Variants in PCNT observed in about 807,000 individuals in gnomAD.
The protein encoded by PCNT is kendrin.
Under a neutral mutation model 380.4 loss-of-function variants are expected in PCNT, and 319 were observed. The ratio of observed to expected loss-of-function variants is 0.84; its 90% CI spans 0.77 to 0.92. PCNT has a LOEUF of 0.92. PCNT is among the 40% of genes least tolerant of loss of function. The pLI is 0.00. For missense variants in PCNT, 4,400 were observed against 4,255.3 expected (o/e 1.03, Z -0.95); for synonymous variants, 1,845 against 1,735.2 (o/e 1.06, Z -1.57).
intron 1 of PCNT, chr21:46,325,267 T>C (rs2146213873): frequency 2.2e-6 from 2 of 926,170 alleles, no homozygotes; most frequent in Non-Finnish European, 2.6e-6. Flanking sequence ...AGAGCGGGGC[T>C]CCCGGGCACG....
chr21:46,430,088 A>G lies in PCNT; in HGVS notation c.7769A>G (p.Glu2590Gly). ...CAGAAGACGCTGAGTGAAGAGCAAG[A>G]GAAGGCAAACAGCGTGCAGAAGCTC... ...DLQKTLSEEQ[E>G]KANSVQKLLA... is the part of the protein sequence containing the mutation. Residue 2590 changes from glutamate (E) to glycine (G), a missense_variant, in exon 36 of 47, where the codon GAG becomes GGG. Coordinates refer to ENST00000359568, the MANE Select transcript of PCNT (RefSeq NM_006031.6). The G allele has an allele frequency of 6.2e-7, 1 of 1,614,254 alleles. No individual in the cohort carries two copies. The highest frequency in any genetic ancestry group is 1.1e-5 in the South Asian group (1 of 91,092).
At chr21:46,401,749 G>T in intron 26 of PCNT, 28 bp downstream of exon 26, 1 of 1,612,694 alleles carries the variant, frequency 6.2e-7, no homozygotes, top group South Asian at 1.1e-5. Flanking sequence ...CCATGGGACT[G>T]CCAGCCCTGG....
rs774419310 is a variant in PCNT, at chr21:46,431,610, G to A, written c.8146G>A (p.Asp2716Asn). The change falls in exon 38 of 47, where the codon GAC becomes AAC. Residue 2716 changes from aspartate (D) to asparagine (N), a missense_variant. By Grantham distance (23) the Asp-to-Asn change is conservative. Transcript: ENST00000359568. ...VALKHEQTAK[D>N]NLQKELRIEH... ...ACTGAAACACGAGCAGACGGCCAAG[G>A]ACAACCTGCAGAAGGAGCTGCGTAT... 3 of 1,614,070 alleles carry A rather than the reference G, an allele frequency of 1.9e-6. No homozygotes were observed. The highest frequency in any genetic ancestry group is 2.2e-5 in the South Asian group (2 of 91,090).
At chr21:46,374,558 A>C (rs2085271092) in intron 15 of PCNT, among the ~76,000 whole-genome samples, 1 of 152,140 alleles carries the variant, frequency 6.6e-6, no homozygotes, top group Admixed American at 6.6e-5. Flanking sequence ...CCGTGAAAAG[A>C]CATAACACAA....
chr21:46,440,547 A>G (rs1299729132), intron 42 of PCNT, among the ~76,000 whole-genome samples: 1 of 152,238 alleles, frequency 6.6e-6, no homozygotes, highest in Non-Finnish European at 1.5e-5. Context: ...CCACCCCGTG[A>G]CGTCCATCTC....
chr21:46,426,346 G>C (rs2087504976), intron 33 of PCNT, among the ~76,000 whole-genome samples: 1 of 151,946 alleles, frequency 6.6e-6, no homozygotes, highest in African/African-American at 2.4e-5. Flanking sequence ...ATTTTTTTTA[G>C]CACGGCCAAA....
At chr21:46,423,349 C>G (rs1031064389) in intron 32 of PCNT, among the ~76,000 whole-genome samples, 1 of 151,756 alleles carries the variant, frequency 6.6e-6, no homozygotes, top group African/African-American at 2.4e-5. Flanking sequence ...AGCCACCACA[C>G]CCAGCTAATT....
chr21:46,418,149 A>C, intron 30 of PCNT, 55 bp from the exon 31 acceptor site: 40 of 1,062,976 alleles, frequency 3.8e-5, no homozygotes, highest in Non-Finnish European at 5.3e-5. Context: ...TGGCAAAGTC[A>C]GCGCTATGAT....
chr21:46,354,101 C>G, intron 11 of PCNT, 33 bp downstream of exon 11: 1 of 1,578,288 alleles, frequency 6.3e-7, no homozygotes, highest in Non-Finnish European at 8.7e-7. Flanking sequence ...GTGGGGGAGT[C>G]CTGTGCTCTT....
In PCNT at chr21:46,388,681, C is replaced by A. The variant is rs2085923799; in HGVS notation, c.3465-61C>A. ...CTGGTGGGCGGCCCCTCAGCAGCATCCAGGGTGGGGGTTCTTATGCCGTGA... is the reference window on the plus strand; with the variant it reads ...CTGGTGGGCGGCCCCTCAGCAGCATACAGGGTGGGGGTTCTTATGCCGTGA... On this transcript the variant is annotated intron_variant, in intron 17 of 46. Coordinates refer to ENST00000359568, the MANE Select transcript of PCNT (RefSeq NM_006031.6). The surrounding 1 kb of genome is among the most constrained non-coding windows in gnomAD (Gnocchi z 4.2). 1 of 1,604,746 alleles carries A rather than the reference C, an allele frequency of 6.2e-7. No individual in the cohort carries two copies. The highest frequency in any genetic ancestry group is 8.5e-7 in the Non-Finnish European group (1 of 1,176,584).
At chr21:46,407,854 C>T (rs537820083) in intron 27 of PCNT, among the ~76,000 whole-genome samples, 1 of 152,122 alleles carries the variant, frequency 6.6e-6, no homozygotes, top group Non-Finnish European at 1.5e-5. Context: ...ACTTTTCTCT[C>T]TTTATTTCTT....
chr21:46,325,219 C>T, intron 1 of PCNT: 1 of 984,928 alleles, frequency 1.0e-6, no homozygotes, highest in African/African-American at 1.7e-5. Flanking sequence ...AGGTGCGCGC[C>T]GCTCCCCCCC....
chr21:46,367,683 G>A (rs578199036), intron 15 of PCNT, among the ~76,000 whole-genome samples: 6 of 152,238 alleles, frequency 3.9e-5, no homozygotes, highest in East Asian at 1.9e-4. Context: ...GCTCTCGTAC[G>A]TATGTGGGAG....
chr21:46,335,658 A>G (rs2083709713), intron 3 of PCNT, among the ~76,000 whole-genome samples: 2 of 147,996 alleles, frequency 1.4e-5, no homozygotes, highest in African/African-American at 2.5e-5. Context: ...ACACTGCTTT[A>G]GGCAAGTTTG....
At chr21:46,429,382 G>A (rs1265150687) in intron 35 of PCNT, among the ~76,000 whole-genome samples, 5 of 135,374 alleles carry the variant, frequency 3.7e-5, no homozygotes, top group African/African-American at 9.2e-5. Flanking sequence ...AGGGGGTGCC[G>A]GCGCTGTGCG....
intron 15 of PCNT, among the ~76,000 whole-genome samples, chr21:46,367,393 C>T (rs1279004664): frequency 1.3e-5 from 2 of 151,748 alleles, no homozygotes; most frequent in Admixed American, 6.6e-5. Flanking sequence ...CTGCAACCTC[C>T]GCCTCCTGGG....
intron 21 of PCNT, among the ~76,000 whole-genome samples, chr21:46,392,694 G>A (rs946192397): frequency 6.6e-6 from 1 of 152,158 alleles, no homozygotes. Context: ...TGGCCCAGGG[G>A]GCGTTTTCCA....
intron 14 of PCNT, 104 bp downstream of exon 14, chr21:46,364,038 C>A: frequency 9.6e-7 from 1 of 1,039,602 alleles, no homozygotes; most frequent in Non-Finnish European, 1.5e-6. Flanking sequence ...CTCCACTGGG[C>A]GAAAAGGTCT....
At chr21:46,335,620 G>A (rs1173790402) in intron 3 of PCNT, among the ~76,000 whole-genome samples, 3 of 148,920 alleles carry the variant, frequency 2.0e-5, no homozygotes, top group Non-Finnish European at 4.5e-5. Flanking sequence ...CTCTATTTTA[G>A]CCATTTGATT....
Sources: gnomAD v4.1 joint callset for allele counts (sites outside exome capture counted in the v4.1 genomes callset) on GRCh38, gnomAD v4.1.1 for gene constraint, Gnocchi (gnomAD v3.1) non-coding constraint, MANE v1.5 for transcripts, NCBI Gene and HGNC (gene_info 2026-07-23, HGNC 2026-07-21) for gene names.